The following RBM33 variants were observed in gnomAD, a reference collection of about 807,000 sequenced individuals.
RBM33 encodes RNA-binding protein 33.
A neutral mutation model predicts 132.6 loss-of-function variants in RBM33; 28 were observed. That is an observed-to-expected ratio of 0.21 (90% CI 0.16 to 0.29). RBM33 has a LOEUF of 0.29. RBM33 is among the 10% of genes least tolerant of loss of function. RBM33 has a pLI of 1.00. For missense variants in RBM33, 1,291 were observed against 1,518.5 expected (o/e 0.85, Z 2.49); for synonymous variants, 634 against 593.0 (o/e 1.07, Z -1.01).
chr7:155,653,255 G>A (rs1267553860), intron 1 of RBM33, among the ~76,000 whole-genome samples: 1 of 152,106 alleles, frequency 6.6e-6, no homozygotes, highest in Admixed American at 6.5e-5. Flanking sequence ...GGATTTAGGG[G>A]CCAGTCTTAA....
chr7:155,768,304 C>G (rs1802289979), intron 16 of RBM33, among the ~76,000 whole-genome samples: 1 of 152,208 alleles, frequency 6.6e-6, no homozygotes, highest in Admixed American at 6.5e-5. Context: ...GAGTCATTGC[C>G]AAACCAGCTA....
In RBM33 at chr7:155,739,861, GCACCCGCCGCAGCACCAGCACCAC is replaced by G; in HGVS notation, c.1889_1912del (p.Pro630_His637del). The G allele has an allele frequency of 8.5e-7, 1 of 1,176,312 alleles. No homozygotes were observed. The highest frequency in any genetic ancestry group is 1.1e-6 in the Non-Finnish European group (1 of 901,706). 72.9% of individuals were successfully genotyped at this position (1,176,312 alleles called of 1,614,324 possible). A position where few individuals can be genotyped will look rare whatever the true frequency, so the allele number is the denominator to read the frequency against. On this transcript the variant is annotated inframe_deletion, in exon 12 of 18. Transcript: ENST00000401878. ...AGCCCCCACCCCAGCACCCACCACA[GCACCCGCCGCAGCACCAGCACCAC>G]CACCACCACCACCACCTGTCCGTCC...
intron 1 of RBM33, among the ~76,000 whole-genome samples, chr7:155,664,678 G>A (rs996500908): frequency 6.6e-6 from 1 of 152,052 alleles, no homozygotes; most frequent in Admixed American, 6.5e-5. Flanking sequence ...TATAAATGTG[G>A]CTACTAGAAA....
chr7:155,656,028 G>A (rs56201172), intron 1 of RBM33, among the ~76,000 whole-genome samples: 102,737 of 152,132 alleles, frequency 0.68, 35,097 homozygotes, highest in South Asian at 0.76. Flanking sequence ...AGTGCTTGGC[G>A]GATACATTCT....
intron 3 of RBM33, among the ~76,000 whole-genome samples, chr7:155,676,992 T>C (rs1406446486): frequency 6.6e-6 from 1 of 152,190 alleles, no homozygotes; most frequent in Non-Finnish European, 1.5e-5. Flanking sequence ...ACTAAAAAGC[T>C]CAGAGAAACA....
intron 3 of RBM33, among the ~76,000 whole-genome samples, chr7:155,676,916 A>G (rs1585425654): frequency 6.6e-6 from 1 of 152,374 alleles, no homozygotes; most frequent in Admixed American, 6.5e-5. Flanking sequence ...ACCACAGTAC[A>G]CATTCCCTTT....
intron 1 of RBM33, among the ~76,000 whole-genome samples, chr7:155,664,956 C>T (rs776195191): frequency 2.6e-5 from 4 of 151,602 alleles, no homozygotes; most frequent in African/African-American, 4.9e-5. Context: ...TTTTCATGCC[C>T]AATAATGTTC....
At chr7:155,722,421 A>G (rs1454804138) in intron 9 of RBM33, among the ~76,000 whole-genome samples, 2 of 152,232 alleles carry the variant, frequency 1.3e-5, no homozygotes, top group South Asian at 2.1e-4. Context: ...GTGGAAGGCT[A>G]GTTACCTTTC....
chr7:155,657,492 A>G (rs552784558), intron 1 of RBM33, among the ~76,000 whole-genome samples: 19 of 152,292 alleles, frequency 1.2e-4, no homozygotes, highest in African/African-American at 4.1e-4. Flanking sequence ...GCAGAATTAG[A>G]TGCTCTTTTT....
chr7:155,756,597 T>TG (rs1467596387), intron 14 of RBM33, among the ~76,000 whole-genome samples: 1 of 152,136 alleles, frequency 6.6e-6, no homozygotes, highest in Non-Finnish European at 1.5e-5. Flanking sequence ...ACTCCTCTCG[T>TG]GGTGCACTCT....
chr7:155,708,792 TTC>T (rs1451818684), intron 7 of RBM33, among the ~76,000 whole-genome samples: 5 of 152,212 alleles, frequency 3.3e-5, no homozygotes, highest in African/African-American at 1.2e-4. Flanking sequence ...TCCAACTGCG[TTC>T]TGTTACATCA....
intron 3 of RBM33, among the ~76,000 whole-genome samples, chr7:155,674,090 C>G (rs767910796): frequency 2.6e-5 from 4 of 151,482 alleles, no homozygotes; most frequent in Non-Finnish European, 4.4e-5. Flanking sequence ...TTTGGCCTAA[C>G]CCTGCTTTCC....
chr7:155,722,751 T>C (rs1302662286), intron 9 of RBM33, among the ~76,000 whole-genome samples: 1 of 152,212 alleles, frequency 6.6e-6, no homozygotes, highest in African/African-American at 2.4e-5. Flanking sequence ...TTTAAGCTTG[T>C]GAAAAAGTGC....
chr7:155,675,305 A>T, intron 3 of RBM33, among the ~76,000 whole-genome samples: 1 of 21,196 alleles, frequency 4.7e-5, no homozygotes, highest in Non-Finnish European at 1.8e-4. Flanking sequence ...AAAAAAAAAA[A>T]AAAAAAAAAA....
intron 11 of RBM33, 165 bp downstream of exon 11, chr7:155,738,568 T>C: frequency 1.4e-6 from 1 of 692,048 alleles, no homozygotes; most frequent in East Asian, 2.8e-5. Flanking sequence ...TTTTCAACAA[T>C]GTTACTTATC....
chr7:155,738,483 T>C (rs920964833), intron 11 of RBM33, 80 bp downstream of exon 11: 2 of 1,314,830 alleles, frequency 1.5e-6, no homozygotes, highest in African/African-American at 3.0e-5. Context: ...CAGATTTTTA[T>C]TTGAGCCTAC....
chr7:155,750,891 G>A (rs750190117), intron 14 of RBM33, among the ~76,000 whole-genome samples: 9 of 152,150 alleles, frequency 5.9e-5, no homozygotes, highest in African/African-American at 2.2e-4. Context: ...ACAGAGAAAT[G>A]GGAGCAGCAC....
intron 9 of RBM33, among the ~76,000 whole-genome samples, chr7:155,724,381 A>T (rs147374696): frequency 6.2e-4 from 94 of 152,238 alleles, no homozygotes; most frequent in African/African-American, 2.2e-3. Context: ...ATACAAAATT[A>T]GTTGGGCATG....
chr7:155,717,440 CAATTA>C (rs1800495548), intron 8 of RBM33, among the ~76,000 whole-genome samples: 1 of 146,962 alleles, frequency 6.8e-6, no homozygotes, highest in Non-Finnish European at 1.5e-5. Context: ...CATTTGACCT[CAATTA>C]CCTCTTTTAA....
Sources: gnomAD v4.1 joint callset for allele counts (sites outside exome capture counted in the v4.1 genomes callset) on GRCh38, gnomAD v4.1.1 for gene constraint, MANE v1.5 for transcripts, NCBI Gene and HGNC (gene_info 2026-07-23, HGNC 2026-07-21) for gene names.